The following BBOX1 variants were observed in gnomAD, a reference collection of about 807,000 sequenced individuals.
The protein encoded by BBOX1 is gamma-butyrobetaine hydroxylase 1.
Under a neutral mutation model 41.6 loss-of-function variants are expected in BBOX1, and 35 were observed. That is an observed-to-expected ratio of 0.84 (90% CI 0.64 to 1.11). The LOEUF (loss-of-function observed/expected upper bound fraction) is 1.11, where lower values mean the gene tolerates loss of function less well. Ranked by LOEUF, BBOX1 falls within the 50% of genes most tolerant of loss-of-function variation. BBOX1 has a pLI of 0.00. For missense variants in BBOX1, 458 were observed against 460.6 expected, an observed-to-expected ratio of 0.99 and a Z score of 0.05; for synonymous variants, 163 against 154.7, an observed-to-expected ratio of 1.05 and a Z score of -0.40.
intron 4 of BBOX1, among the ~76,000 whole-genome samples, chr11:27,073,776 G>A (rs1361519338): frequency 6.6e-6 from 1 of 152,116 alleles, no homozygotes; most frequent in African/African-American, 2.4e-5. Context: ...CATGGATGCA[G>A]CTGGAAACCA....
At chr11:27,076,305 G>A (rs1364053949) in intron 4 of BBOX1, among the ~76,000 whole-genome samples, 1 of 152,170 alleles carries the variant, frequency 6.6e-6, no homozygotes. Flanking sequence ...AAGTTCCTTG[G>A]TTATAAATAA....
At chr11:27,104,494 C>CTTTTAAATAATT (rs1490630890) in intron 5 of BBOX1, among the ~76,000 whole-genome samples, 1 of 152,130 alleles carries the variant, frequency 6.6e-6, no homozygotes, top group African/African-American at 2.4e-5. Flanking sequence ...CAGAGAGATT[C>CTTTTAAATAATT]TTTTAAATAA....
intron 7 of BBOX1, among the ~76,000 whole-genome samples, chr11:27,121,129 C>T (rs1040723381): frequency 6.6e-6 from 1 of 152,056 alleles, no homozygotes; most frequent in Non-Finnish European, 1.5e-5. Flanking sequence ...TTTGAGCAAA[C>T]ACTTAAACGA....
intron 5 of BBOX1, among the ~76,000 whole-genome samples, chr11:27,096,682 C>T (rs1858450679): frequency 6.6e-6 from 1 of 151,950 alleles, no homozygotes; most frequent in Admixed American, 6.6e-5. Flanking sequence ...TGGCTGTCAT[C>T]TCAGTTGTTA....
chr11:27,109,583 G>T lies in BBOX1; in HGVS notation c.534-5869G>T, dbSNP rs1253043666. ...CAGAAAAAAGAAACCAGAAAAAAAGGCAGGAAAGTGTGTAGTGCTAAAATT... is the reference window on the plus strand; with the variant it reads ...CAGAAAAAAGAAACCAGAAAAAAAGTCAGGAAAGTGTGTAGTGCTAAAATT... On this transcript the variant is annotated intron_variant, in intron 5 of 8. Coordinates refer to ENST00000263182, the MANE Select transcript of BBOX1 (RefSeq NM_003986.3). 2.0e-5 allele frequency among the ~76,000 whole-genome samples: 3 copies of T among 151,966 alleles called. No individual in the cohort carries two copies. In the East Asian group the frequency reaches 5.8e-4, roughly 29 times the overall value.
At chr11:27,110,145 C>A (rs184416031) in intron 5 of BBOX1, among the ~76,000 whole-genome samples, 2 of 151,954 alleles carry the variant, frequency 1.3e-5, no homozygotes, top group East Asian at 3.9e-4. Context: ...AGTTCAAATC[C>A]AATCATTCTC....
intron 4 of BBOX1, among the ~76,000 whole-genome samples, chr11:27,090,406 G>C (rs7111206): frequency 0.039 from 5,849 of 151,810 alleles, 228 homozygotes; most frequent in African/African-American, 0.091. Context: ...AAAGGGTGGG[G>C]GTGTAAGAAC....
rs7948922 is a variant in BBOX1 at position 27,100,099 on chromosome 11, A to G, written c.533+6733A>G. 9.1e-3 allele frequency among the ~76,000 whole-genome samples: 1,385 copies of G among 152,208 alleles called. 20 individuals carry two copies. The highest frequency in any genetic ancestry group is 0.032 in the African/African-American group (1,329 of 41,548). On this transcript the variant is annotated intron_variant, in intron 5 of 8. Transcript: ENST00000263182. ...AAGTTGTCTTGTAAGCCAGCCCAGC[A>G]GCATTTCACACATTAGATTGGATTC...
At chr11:27,074,208 G>A (rs1183377864) in intron 4 of BBOX1, among the ~76,000 whole-genome samples, 1 of 152,022 alleles carries the variant, frequency 6.6e-6, no homozygotes, top group Non-Finnish European at 1.5e-5. Flanking sequence ...CTGTGGAACT[G>A]TGAATCAATT....
intron 6 of BBOX1, among the ~76,000 whole-genome samples, chr11:27,119,216 C>T (rs1899505): frequency 0.016 from 2,373 of 152,088 alleles, 78 homozygotes; most frequent in African/African-American, 0.054. Flanking sequence ...TTTGCTTTCT[C>T]GTTCTATTCT....
Position 27,049,147 on chromosome 11 carries a change from A to G in BBOX1, c.-38-6246A>G, listed in dbSNP as rs1029400035. ...CACATAAGTTATTTGGGGGGGGGGA[A>G]CTTCTGTACTGTTTTCTATAATGAC... On this transcript the variant is annotated intron_variant, in intron 2 of 8. Coordinates refer to ENST00000263182, the MANE Select transcript of BBOX1 (RefSeq NM_003986.3). Among the ~76,000 whole-genome samples, 16 of 139,082 alleles carry G rather than the reference A, an allele frequency of 1.2e-4. No homozygotes were observed. In the East Asian group the frequency reaches 2.8e-3, roughly 24 times the overall value. The allele number at this position is 139,082 out of a possible 152,430, so 91.2% of individuals were successfully genotyped here.
intron 5 of BBOX1, among the ~76,000 whole-genome samples, chr11:27,105,245 G>A (rs559201233): frequency 1.3e-5 from 2 of 152,284 alleles, no homozygotes; most frequent in South Asian, 2.1e-4. Context: ...GATGGAGAAT[G>A]ACTGATGAAT....
intron 4 of BBOX1, among the ~76,000 whole-genome samples, chr11:27,071,071 T>C (rs1201036043): frequency 6.6e-6 from 1 of 152,098 alleles, no homozygotes; most frequent in South Asian, 2.1e-4. Context: ...CTGACAATTA[T>C]TCTCTTTAAA....
At chr11:27,107,849 T>C (rs561957965) in intron 5 of BBOX1, among the ~76,000 whole-genome samples, 2 of 151,882 alleles carry the variant, frequency 1.3e-5, no homozygotes, top group Admixed American at 6.6e-5. Flanking sequence ...TCTTGGAGAG[T>C]TGGATTTGGG....
At chr11:27,120,075 A>G (rs1280165208) in intron 7 of BBOX1, among the ~76,000 whole-genome samples, 1 of 152,094 alleles carries the variant, frequency 6.6e-6, no homozygotes, top group African/African-American at 2.4e-5. Flanking sequence ...TTTCACGTAT[A>G]CTTCATTTTT....
chr11:27,094,117 G>A (rs985191430), intron 5 of BBOX1, among the ~76,000 whole-genome samples: 4 of 151,940 alleles, frequency 2.6e-5, no homozygotes, highest in African/African-American at 9.7e-5. Context: ...ATAAAATTAG[G>A]CCTATGTGGT....
rs72876270 is a variant in BBOX1 at position 27,054,779 on chromosome 11, T to C, written c.-38-614T>C. Among the ~76,000 whole-genome samples the C allele has an allele frequency of 3.3e-3, 505 of 152,340 alleles. 1 individual carries two copies. Among genetic ancestry groups the C allele is most frequent in the Middle Eastern group, 0.014 (4 of 294 alleles). The stretch of plus-strand genomic sequence containing the variant: ...GTTTCTTGCAGAACCTAAGGACTTC[T>C]ATATTTCATTAAGAAAATGTATTGT... On this transcript the variant is annotated intron_variant, in intron 2 of 8. Transcript: ENST00000263182.
At chr11:27,126,868 G>T (rs1456308674) in intron 8 of BBOX1, among the ~76,000 whole-genome samples, 1 of 151,956 alleles carries the variant, frequency 6.6e-6, no homozygotes, top group Non-Finnish European at 1.5e-5. Flanking sequence ...TAGAGACAGG[G>T]TTTCACCATG....
At chr11:27,074,421 A>G (rs928567134) in intron 4 of BBOX1, among the ~76,000 whole-genome samples, 1 of 152,078 alleles carries the variant, frequency 6.6e-6, no homozygotes, top group African/African-American at 2.4e-5. Context: ...GAAAGTTTGG[A>G]ACTTCCTAGA....
Sources: allele counts gnomAD v4.1 joint callset (sites outside exome capture counted in the v4.1 genomes callset), GRCh38; gene constraint gnomAD v4.1.1; transcripts MANE v1.5; gene names NCBI Gene and HGNC (gene_info 2026-07-23, HGNC 2026-07-21).